SNTB2: variants seen among roughly 807,000 people sequenced by gnomAD.
SNTB2 encodes the protein beta-2-syntrophin.
In SNTB2, 34 loss-of-function variants were observed where a neutral mutation model predicts 46.2. The ratio of observed to expected loss-of-function variants is 0.74; its 90% CI spans 0.56 to 0.98. SNTB2 has a LOEUF of 0.98. Ranked by LOEUF, SNTB2 falls within the 50% of genes least tolerant of loss-of-function variation. SNTB2 has a pLI of 0.00. For missense variants in SNTB2, 603 were observed against 731.4 expected (o/e 0.82, Z 2.02); for synonymous variants, 290 against 312.6 (o/e 0.93, Z 0.76).
In SNTB2 at chr16:69,187,661, G is replaced by A; in HGVS notation, c.495G>A (p.Ser165=). 1 of 1,544,732 alleles carries A rather than the reference G, an allele frequency of 6.5e-7. No homozygotes were observed. Among genetic ancestry groups the A allele is most frequent in the Non-Finnish European group, 8.7e-7 (1 of 1,151,178 alleles). Residue 165 remains serine, a synonymous_variant, in exon 1 of 7, where the codon TCG becomes TCA. Transcript: ENST00000336278. ...TGCGGCTGGGCGACGCCATCCTGTC[G>A]GTGAACGGCACCGACCTGCGCCAGG... ...RALRLGDAIL[S]VNGTDLRQAT...
intron 2 of SNTB2, among the ~76,000 whole-genome samples, chr16:69,248,741 G>A (rs1289495206): frequency 2.0e-5 from 3 of 151,950 alleles, no homozygotes; most frequent in East Asian, 3.9e-4. Context: ...AGGAGGATTG[G>A]TTGAGGCCAG....
chr16:69,261,246 G>T (rs1597190721), intron 3 of SNTB2, among the ~76,000 whole-genome samples: 2 of 150,972 alleles, frequency 1.3e-5, no homozygotes, highest in African/African-American at 2.4e-5. Context: ...TTTCATTTTT[G>T]ATTTTTTTTT....
intron 1 of SNTB2, among the ~76,000 whole-genome samples, chr16:69,238,291 T>C (rs771417573): frequency 3.9e-5 from 6 of 152,186 alleles, no homozygotes; most frequent in Non-Finnish European, 5.9e-5. Flanking sequence ...TCGGTCTCTA[T>C]AGGGCTCTTT....
chr16:69,217,426 T>C (rs1246310805), intron 1 of SNTB2, among the ~76,000 whole-genome samples: 1 of 152,124 alleles, frequency 6.6e-6, no homozygotes, highest in Non-Finnish European at 1.5e-5. Context: ...GTGACTGTGA[T>C]TGAGCCACTG....
intron 4 of SNTB2, among the ~76,000 whole-genome samples, chr16:69,278,580 C>A (rs998092354): frequency 2.0e-5 from 3 of 151,806 alleles, no homozygotes; most frequent in African/African-American, 7.3e-5. Context: ...CTCAGCCTCC[C>A]GAGTAGCTGG....
At chr16:69,201,495 G>A (rs568546307) in intron 1 of SNTB2, among the ~76,000 whole-genome samples, 1 of 152,250 alleles carries the variant, frequency 6.6e-6, no homozygotes, top group East Asian at 1.9e-4. Context: ...GCTTAGTAAG[G>A]TATTTTATCC....
At chr16:69,188,384 G>A (rs1170139560) in intron 1 of SNTB2, among the ~76,000 whole-genome samples, 2 of 152,160 alleles carry the variant, frequency 1.3e-5, no homozygotes, top group African/African-American at 4.8e-5. Flanking sequence ...TGCCCCTTTT[G>A]CAAGTCTGCT....
intron 1 of SNTB2, among the ~76,000 whole-genome samples, chr16:69,243,331 A>G (rs1388232393): frequency 3.3e-5 from 5 of 152,190 alleles, no homozygotes; most frequent in Admixed American, 2.0e-4. Context: ...ATGTCCATCC[A>G]CAGCTCTTCA....
intron 1 of SNTB2, among the ~76,000 whole-genome samples, chr16:69,192,629 T>C (rs1964066294): frequency 6.6e-6 from 1 of 152,236 alleles, no homozygotes; most frequent in African/African-American, 2.4e-5. Flanking sequence ...TTTGGAGAAA[T>C]GATGGTATGG....
At chr16:69,187,773 G>GGGGGGGGGGGGGGGGGGGGGGGC in intron 1 of SNTB2, 27 bp downstream of exon 1, 5 of 331,848 alleles carry the variant, frequency 1.5e-5, no homozygotes, top group East Asian at 9.7e-5. Context: ...GGGAGGGTGG[G>GGGGGGGGGGGGGGGGGGGGGGGC]CAGGCCGCGG....
intron 5 of SNTB2, among the ~76,000 whole-genome samples, chr16:69,295,856 A>C (rs570702083): frequency 1.3e-5 from 2 of 152,312 alleles, no homozygotes; most frequent in African/African-American, 4.8e-5. Context: ...CAGGCACTTA[A>C]TCATCATTGC....
intron 1 of SNTB2, among the ~76,000 whole-genome samples, chr16:69,242,158 G>T (rs553817576): frequency 6.6e-6 from 1 of 152,226 alleles, no homozygotes; most frequent in East Asian, 1.9e-4. Context: ...CTGGGTGGTG[G>T]CTCATGCTTG....
rs986945480 is a variant in SNTB2 at position 69,306,203 on chromosome 16, TA to T, written c.*5280del. 4.6e-5 allele frequency: 7 copies of T among 152,196 alleles called. No homozygotes were observed. The highest frequency in any genetic ancestry group is 1.4e-4 in the African/African-American group (6 of 41,460). The allele number at this position is 152,196 out of a possible 1,614,324, so 9.4% of individuals were successfully genotyped here. Reference sequence around the variant, plus strand: ...CAAGTTAAGGATAAGGCACAATAAATAGGCACATAGAGGACATCTGTTTTTG... The same window carrying T: ...CAAGTTAAGGATAAGGCACAATAAATGGCACATAGAGGACATCTGTTTTTG... On this transcript the variant is annotated 3_prime_UTR_variant, in exon 7 of 7. Transcript: ENST00000336278.
chr16:69,248,780 C>G (rs899388416), intron 2 of SNTB2, among the ~76,000 whole-genome samples: 1 of 149,502 alleles, frequency 6.7e-6, no homozygotes. Flanking sequence ...GGCAACATAA[C>G]AAGACCCTAT....
intron 5 of SNTB2, among the ~76,000 whole-genome samples, chr16:69,288,039 T>TA (rs1204179105): frequency 1.3e-5 from 2 of 150,650 alleles, no homozygotes; most frequent in South Asian, 2.1e-4. Flanking sequence ...AAATGAGGTT[T>TA]AAAAAAAAAT....
chr16:69,289,797 C>T (rs1965142759), intron 5 of SNTB2, among the ~76,000 whole-genome samples: 2 of 152,080 alleles, frequency 1.3e-5, no homozygotes, highest in South Asian at 4.1e-4. Context: ...TGGTGTGTGC[C>T]TGTAGTCCCA....
At chr16:69,283,192 C>G (rs1039950753) in intron 4 of SNTB2, among the ~76,000 whole-genome samples, 4 of 152,160 alleles carry the variant, frequency 2.6e-5, no homozygotes, top group Non-Finnish European at 5.9e-5. Context: ...AAATCCTGGT[C>G]TCCAGTGATC....
chr16:69,246,127 T>C (rs569423754), intron 2 of SNTB2, among the ~76,000 whole-genome samples: 1 of 152,342 alleles, frequency 6.6e-6, no homozygotes, highest in South Asian at 2.1e-4. Flanking sequence ...TTGTTATTAC[T>C]TTTTTCACTA....
intron 4 of SNTB2, among the ~76,000 whole-genome samples, chr16:69,278,136 A>G (rs1964999417): frequency 6.6e-6 from 1 of 152,050 alleles, no homozygotes. Context: ...GGGCAACATA[A>G]TGAGACCACA....
Sources: allele counts gnomAD v4.1 joint callset (sites outside exome capture counted in the v4.1 genomes callset), GRCh38; gene constraint gnomAD v4.1.1; transcripts MANE v1.5; gene names NCBI Gene and HGNC (gene_info 2026-07-23, HGNC 2026-07-21).